Variants in PPM1B observed in about 807,000 individuals in gnomAD.
PPM1B encodes protein phosphatase, Mg2+/Mn2+ dependent 1B, also known as protein phosphatase 1B.
In PPM1B, 22 loss-of-function variants were observed where a neutral mutation model predicts 43.0. The observed-to-expected ratio is 0.51, with a 90% confidence interval of 0.37 to 0.73. The LOEUF is 0.73. PPM1B is among the 30% of genes least tolerant of loss of function. The probability of loss-of-function intolerance (pLI) is 0.00; values close to 1 mark genes in which losing one functional copy is unlikely to be tolerated. For missense variants in PPM1B, 632 were observed against 584.2 expected, an observed-to-expected ratio of 1.08 and a Z score of -0.84; for synonymous variants, 217 against 197.9, an observed-to-expected ratio of 1.10 and a Z score of -0.81.
rs1669793836 is a variant in PPM1B, at chr2:44,217,852, A to G, written c.965-115A>G. 3 of 530,842 alleles carry G rather than the reference A, an allele frequency of 5.7e-6. No individual in the cohort carries two copies. The Admixed American group carries it at 1.2e-4, about 21-fold the overall frequency. The allele number at this position is 530,842 out of a possible 1,614,324, so 32.9% of individuals were successfully genotyped here. The stretch of plus-strand genomic sequence containing the variant: ...TAAAAATTTTTTGTGTGTTGATGGT[A>G]ATTTTTTTTAATATATTTTAAAATA... On this transcript the variant is annotated intron_variant, in intron 3 of 5. Coordinates refer to ENST00000282412, the MANE Select transcript of PPM1B (RefSeq NM_002706.6).
chr2:44,238,573 G>A (rs1670679709), downstream of PPM1B, among the ~76,000 whole-genome samples: 1 of 151,998 alleles, frequency 6.6e-6, no homozygotes, highest in Non-Finnish European at 1.5e-5. Flanking sequence ...CTGGTGGCGG[G>A]TGCCTATAGG....
intron 5 of PPM1B, among the ~76,000 whole-genome samples, chr2:44,227,077 G>A (rs1332713090): frequency 6.6e-6 from 1 of 151,892 alleles, no homozygotes; most frequent in Non-Finnish European, 1.5e-5. Context: ...GGGCTCAAGT[G>A]ATCCTCCCAC....
intron 1 of PPM1B, among the ~76,000 whole-genome samples, chr2:44,195,026 G>A (rs1250127080): frequency 6.6e-6 from 1 of 151,512 alleles, no homozygotes; most frequent in Admixed American, 6.6e-5. Context: ...TAAGTAGCTG[G>A]GATGACAGGC....
intron 5 of PPM1B, chr2:44,229,925 C>A: frequency 7.4e-7 from 1 of 1,352,954 alleles, no homozygotes; most frequent in South Asian, 1.5e-5. Flanking sequence ...TCCGTAAAAA[C>A]TCTAAAATCT....
chr2:44,236,682 C>G (rs956128563), downstream of PPM1B, among the ~76,000 whole-genome samples: 1 of 152,082 alleles, frequency 6.6e-6, no homozygotes, highest in African/African-American at 2.4e-5. Flanking sequence ...ATATGGTGCC[C>G]AAGTCTTTAT....
intron 1 of PPM1B, among the ~76,000 whole-genome samples, chr2:44,194,860 A>C (rs1048413903): frequency 2.7e-5 from 4 of 149,554 alleles, no homozygotes; most frequent in Non-Finnish European, 5.9e-5. Context: ...CAGAGTCTCT[A>C]TAGTTCACTC....
chr2:44,220,668 AAC>A (rs1330158037), intron 5 of PPM1B, among the ~76,000 whole-genome samples: 19 of 152,304 alleles, frequency 1.2e-4, no homozygotes, highest in African/African-American at 4.1e-4. Flanking sequence ...TGTAGTTATA[AAC>A]ACACCTTAAA....
rs1049343682 is a variant in PPM1B, at chr2:44,169,286, C to A, written c.-15+12C>A. 3 of 152,458 alleles carry A rather than the reference C, an allele frequency of 2.0e-5. No homozygotes were observed. The highest frequency in any genetic ancestry group is 2.0e-4 in the South Asian group (1 of 4,982). 9.4% of individuals were successfully genotyped at this position (152,458 alleles called of 1,614,324 possible). A position where few individuals can be genotyped will look rare whatever the true frequency, so the allele number is the denominator to read the frequency against. On this transcript the variant is annotated intron_variant, in intron 1 of 5. Transcript: ENST00000282412. The stretch of plus-strand genomic sequence containing the variant: ...CTCCCTTGCCTCAGGTAAGGCCGCC[C>A]GGCACCCCGCCGGAGGGGAAGCGGC...
chr2:44,199,051 G>A (rs914111260), intron 1 of PPM1B, among the ~76,000 whole-genome samples: 7 of 152,088 alleles, frequency 4.6e-5, no homozygotes, highest in East Asian at 1.9e-4. Context: ...AAGGTCAGGA[G>A]TTCAAGACCA....
downstream of PPM1B, among the ~76,000 whole-genome samples, chr2:44,245,684 A>T (rs1031887639): frequency 6.6e-6 from 1 of 152,202 alleles, no homozygotes; most frequent in Non-Finnish European, 1.5e-5. Context: ...TGCTTCACTT[A>T]GATCAGATGA....
chr2:44,210,214 A>C (rs1399782923), intron 3 of PPM1B, among the ~76,000 whole-genome samples: 3 of 145,518 alleles, frequency 2.1e-5, no homozygotes, highest in African/African-American at 5.3e-5. Flanking sequence ...TTTGGCAATA[A>C]ATTTTTTTTT....
intron 1 of PPM1B, among the ~76,000 whole-genome samples, chr2:44,172,904 C>T (rs1400064218): frequency 6.6e-6 from 1 of 152,328 alleles, no homozygotes; most frequent in East Asian, 1.9e-4. Flanking sequence ...GAAACCACGC[C>T]TCTATTTTTT....
intron 2 of PPM1B, among the ~76,000 whole-genome samples, chr2:44,206,214 C>T (rs556005572): frequency 6.6e-6 from 1 of 151,996 alleles, no homozygotes; most frequent in East Asian, 1.9e-4. Flanking sequence ...TTTAGTTATC[C>T]AAACTGGATT....
intron 4 of PPM1B, 60 bp from the exon 5 acceptor site, chr2:44,218,420 A>G: frequency 7.6e-7 from 1 of 1,308,054 alleles, no homozygotes; most frequent in Non-Finnish European, 1.1e-6. Context: ...ATATTGAGAT[A>G]TTCACAAGCT....
intron 5 of PPM1B, among the ~76,000 whole-genome samples, chr2:44,226,973 TGAA>T (rs1558430081): frequency 0.1 from 14,942 of 142,326 alleles, 968 homozygotes; most frequent in South Asian, 0.15. Context: ...TATTTATTTA[TGAA>T]TGAATGAATG....
intron 1 of PPM1B, among the ~76,000 whole-genome samples, chr2:44,194,449 C>A (rs1361682650): frequency 2.6e-5 from 4 of 152,050 alleles, no homozygotes; most frequent in African/African-American, 9.7e-5. Context: ...GCAGGCCGGG[C>A]GTGTTGGCTC....
At chr2:44,226,858 G>A (rs1333574633) in intron 5 of PPM1B, among the ~76,000 whole-genome samples, 4 of 147,082 alleles carry the variant, frequency 2.7e-5, no homozygotes, top group Non-Finnish European at 6.0e-5. Context: ...AGACTGACAA[G>A]GTTTATCATT....
downstream of PPM1B, among the ~76,000 whole-genome samples, chr2:44,239,490 T>C (rs1323362316): frequency 6.6e-6 from 1 of 152,170 alleles, no homozygotes; most frequent in Non-Finnish European, 1.5e-5. Flanking sequence ...TGCTGTATGT[T>C]TTTCTTGTTT....
At chr2:44,177,418 CTTTT>C (rs35330548) in intron 1 of PPM1B, among the ~76,000 whole-genome samples, 1 of 122,562 alleles carries the variant, frequency 8.2e-6, no homozygotes. Context: ...GTGAAATAAC[CTTTT>C]TTTTTTTTTT....
Sources: gnomAD v4.1 joint callset for allele counts (sites outside exome capture counted in the v4.1 genomes callset) on GRCh38, gnomAD v4.1.1 for gene constraint, MANE v1.5 for transcripts, NCBI Gene and HGNC (gene_info 2026-07-23, HGNC 2026-07-21) for gene names.